Variants in ZNF804B observed in about 807,000 individuals in gnomAD.
ZNF804B encodes zinc finger protein 804B.
Under a neutral mutation model 101.4 loss-of-function variants are expected in ZNF804B, and 80 were observed. That is an observed-to-expected ratio of 0.79 (90% confidence interval 0.66 to 0.95). ZNF804B has a LOEUF of 0.95. ZNF804B is among the 40% of genes least tolerant of loss of function. ZNF804B has a pLI of 0.00. For missense variants in ZNF804B, 1,673 were observed against 1,561.9 expected (o/e 1.07, Z -1.20); for synonymous variants, 622 against 558.8 (o/e 1.11, Z -1.59).
chr7:88,991,876 G>A (rs1414380442), intron 1 of ZNF804B, among the ~76,000 whole-genome samples: 1 of 152,124 alleles, frequency 6.6e-6, no homozygotes, highest in Non-Finnish European at 1.5e-5. Context: ...TCAATGGCCT[G>A]AAACATAGAG....
intron 1 of ZNF804B, among the ~76,000 whole-genome samples, chr7:89,188,570 C>T (rs1670770458): frequency 6.6e-6 from 1 of 152,020 alleles, no homozygotes; most frequent in African/African-American, 2.4e-5. Context: ...GAAAGCGTGG[C>T]CACTTGAATC....
At chr7:89,145,406 A>G (rs1019434121) in intron 1 of ZNF804B, among the ~76,000 whole-genome samples, 32 of 152,032 alleles carry the variant, frequency 2.1e-4, no homozygotes, top group Admixed American at 1.3e-3. Context: ...ATCTTAAAAT[A>G]GAGATATTTT....
chr7:88,958,635 C>T (rs1793347870), intron 1 of ZNF804B, among the ~76,000 whole-genome samples: 1 of 151,422 alleles, frequency 6.6e-6, no homozygotes, highest in Non-Finnish European at 1.5e-5. Flanking sequence ...TATAATATTT[C>T]TGACTTTGAA....
intron 2 of ZNF804B, among the ~76,000 whole-genome samples, chr7:89,234,787 GGT>G (rs1789254433): frequency 6.6e-6 from 1 of 152,076 alleles, no homozygotes; most frequent in Non-Finnish European, 1.5e-5. Context: ...AGCCTCCTGG[GGT>G]CTCTCGGGTG....
chr7:88,879,893 G>T (rs116635216), intron 1 of ZNF804B, among the ~76,000 whole-genome samples: 4,299 of 152,014 alleles, frequency 0.028, 212 homozygotes, highest in African/African-American at 0.098. Flanking sequence ...ACAAAAATTA[G>T]TCGGGTGTAG....
At chr7:88,893,299 C>T (rs1792239516) in intron 1 of ZNF804B, among the ~76,000 whole-genome samples, 2 of 152,066 alleles carry the variant, frequency 1.3e-5, no homozygotes, top group South Asian at 4.1e-4. Flanking sequence ...AATATGTCAT[C>T]TACCATTTTT....
At chr7:89,171,753 T>C (rs2116435513) in intron 1 of ZNF804B, among the ~76,000 whole-genome samples, 1 of 152,214 alleles carries the variant, frequency 6.6e-6, no homozygotes, top group African/African-American at 2.4e-5. Flanking sequence ...TTTTTATAGA[T>C]TAAGAGACTA....
chr7:89,161,820 T>C (rs887233404), intron 1 of ZNF804B, among the ~76,000 whole-genome samples: 1 of 152,176 alleles, frequency 6.6e-6, no homozygotes. Context: ...CACTCATATG[T>C]TTGTTATTTG....
intron 1 of ZNF804B, among the ~76,000 whole-genome samples, chr7:88,995,486 A>T (rs1401756919): frequency 6.6e-6 from 1 of 151,988 alleles, no homozygotes; most frequent in African/African-American, 2.4e-5. Context: ...TATGCATCTG[A>T]CTCAAGATTG....
intron 2 of ZNF804B, among the ~76,000 whole-genome samples, chr7:89,275,443 A>G (rs73399181): frequency 0.029 from 4,403 of 151,936 alleles, 280 homozygotes; most frequent in African/African-American, 0.1. Flanking sequence ...CAAAGTAGAA[A>G]TCAAAATGGA....
intron 1 of ZNF804B, among the ~76,000 whole-genome samples, chr7:89,154,482 G>A (rs1790924560): frequency 6.6e-6 from 1 of 152,030 alleles, no homozygotes; most frequent in African/African-American, 2.4e-5. Flanking sequence ...ACAGATGAAT[G>A]GATAAAGAAA....
chr7:88,895,295 C>G (rs771262956), intron 1 of ZNF804B, among the ~76,000 whole-genome samples: 1 of 152,122 alleles, frequency 6.6e-6, no homozygotes, highest in African/African-American at 2.4e-5. Flanking sequence ...ATGGTAGAAG[C>G]GAAGCTTCTC....
At chr7:88,824,011 G>T (rs1791019755) in intron 1 of ZNF804B, among the ~76,000 whole-genome samples, 1 of 152,104 alleles carries the variant, frequency 6.6e-6, no homozygotes, top group Admixed American at 6.6e-5. Context: ...TCGCTGGCCT[G>T]CTACTCTATC....
chr7:89,155,503 G>C (rs946378585), intron 1 of ZNF804B, among the ~76,000 whole-genome samples: 1 of 152,054 alleles, frequency 6.6e-6, no homozygotes, highest in Admixed American at 6.6e-5. Flanking sequence ...TATATCCTCA[G>C]ATCTGTCCTG....
intron 1 of ZNF804B, among the ~76,000 whole-genome samples, chr7:89,158,332 C>T (rs2116416290): frequency 6.6e-6 from 1 of 152,238 alleles, no homozygotes; most frequent in South Asian, 2.1e-4. Context: ...GTATAATCTT[C>T]CCAGCTAAAA....
intron 1 of ZNF804B, among the ~76,000 whole-genome samples, chr7:88,919,492 C>T (rs955113483): frequency 7.2e-5 from 11 of 152,102 alleles, no homozygotes; most frequent in African/African-American, 2.7e-4. Flanking sequence ...TCCATTTGGT[C>T]TCTTCTAGAG....
At chr7:88,948,907 T>C (rs891525530) in intron 1 of ZNF804B, among the ~76,000 whole-genome samples, 7 of 151,828 alleles carry the variant, frequency 4.6e-5, no homozygotes, top group Non-Finnish European at 8.8e-5. Flanking sequence ...AGAAGTTTTA[T>C]CTTAACTTCT....
At chr7:89,305,624 T>G (rs1231134104) in intron 2 of ZNF804B, among the ~76,000 whole-genome samples, 1 of 152,014 alleles carries the variant, frequency 6.6e-6, no homozygotes, top group Non-Finnish European at 1.5e-5. Flanking sequence ...TCTGGATAGT[T>G]TCCAATTTTT....
intron 1 of ZNF804B, among the ~76,000 whole-genome samples, chr7:88,800,381 C>G (rs189199100): frequency 1.2e-4 from 18 of 152,034 alleles, no homozygotes; most frequent in Admixed American, 6.6e-4. Context: ...TCAAGGAGAG[C>G]GCAGGCTAGG....
Sources: gnomAD v4.1 joint callset for allele counts (sites outside exome capture counted in the v4.1 genomes callset) on GRCh38, gnomAD v4.1.1 for gene constraint, MANE v1.5 for transcripts, NCBI Gene and HGNC (gene_info 2026-07-23, HGNC 2026-07-21) for gene names.